The following ZNF606 variants were observed in gnomAD, a reference collection of about 807,000 sequenced individuals.
The protein encoded by ZNF606 is zinc finger protein 328.
ZNF606 carries 37 observed loss-of-function variants against 74.9 expected under a neutral mutation model. The observed-to-expected ratio is 0.49, with a 90% CI of 0.38 to 0.65. ZNF606 has a LOEUF of 0.65. Ranked by LOEUF, ZNF606 falls within the 30% of genes least tolerant of loss-of-function variation. ZNF606 has a pLI of 0.00. For synonymous variants in ZNF606, 328 were observed against 312.4 expected (o/e 1.05, Z -0.53); for missense variants, 852 against 952.9 (o/e 0.89, Z 1.39).
chr19:58,001,515 AAC>A, intron 1 of ZNF606, 145 bp from the exon 2 acceptor site: 5 of 646,100 alleles, frequency 7.7e-6, no homozygotes, highest in Non-Finnish European at 1.4e-5. Context: ...TCAAAAAAGT[AAC>A]ACAATTCCTG....
At chr19:58,002,969 C>T (rs530669542), upstream of ZNF606, 4 of 455,912 alleles carry the variant, frequency 8.8e-6, no homozygotes, top group Admixed American at 9.4e-5. Flanking sequence ...GCGTCGAAGC[C>T]GGCGGCAGGA....
At chr19:57,986,858 A>C (rs536800080) in intron 6 of ZNF606, among the ~76,000 whole-genome samples, 115 of 152,260 alleles carry the variant, frequency 7.6e-4, no homozygotes, top group African/African-American at 2.8e-3. Context: ...CCAAGGCAGG[A>C]GGATTGCTTG....
intron 6 of ZNF606, among the ~76,000 whole-genome samples, chr19:57,983,833 TA>T (rs148292562): frequency 0.22 from 34,098 of 152,080 alleles, 3,919 homozygotes; most frequent in Non-Finnish European, 0.24. Flanking sequence ...ACCTGCTGAA[TA>T]AAACTCCAGG....
chr19:57,978,940 G>A lies in ZNF606; in HGVS notation c.1740C>T (p.Ser580=), dbSNP rs2073032371. 2.5e-6 allele frequency: 4 copies of A among 1,614,034 alleles called. No homozygotes were observed. The Admixed American group carries it at 5.0e-5, about 20-fold the overall frequency. The change falls in exon 7 of 7, where the codon AGC becomes AGT. Residue 580 remains serine, a synonymous_variant. Coordinates refer to ENST00000551380, the MANE Select transcript of ZNF606 (RefSeq NM_001348022.3). The surrounding 1 kb of genome is among the most constrained non-coding windows in gnomAD (Gnocchi z 4.4). The part of the protein sequence containing the change: ...CTECGKSFSW[S]SHLIAHQRTH... ...TTCTCTGATGGGCAATAAGATGGGA[G>A]CTCCAGCTGAAGGATTTTCCACATT... is the stretch of plus-strand genomic sequence containing the variant.
chr19:57,992,369 A>G (rs2073273851), intron 4 of ZNF606, among the ~76,000 whole-genome samples: 2 of 152,232 alleles, frequency 1.3e-5, no homozygotes, highest in South Asian at 2.1e-4. Context: ...CCTATGAAGT[A>G]TTCTTATCAA....
rs1037917698 is a variant in ZNF606 at position 58,002,731 on chromosome 19, C to CT, written c.-388_-387insA. On this transcript the variant is annotated 5_prime_UTR_variant, in exon 1 of 7. Coordinates refer to ENST00000551380, the MANE Select transcript of ZNF606 (RefSeq NM_001348022.3). ...CTCTCCCAGCCGGCTCTCCTGACCCCCCAAGCCCCGCAGCTACGGCGGCCC... is the reference window on the plus strand; with the variant it reads ...CTCTCCCAGCCGGCTCTCCTGACCCCTCCAAGCCCCGCAGCTACGGCGGCCC... The CT allele has an allele frequency of 1.5e-4, 69 of 454,230 alleles. No individual in the cohort carries two copies. Among genetic ancestry groups the CT allele is most frequent in the African/African-American group, 1.3e-3 (64 of 49,736 alleles). The allele number at this position is 454,230 out of a possible 1,614,324, so 28.1% of individuals were successfully genotyped here.
upstream of ZNF606, chr19:58,002,895 T>C (rs773865051): frequency 2.5e-5 from 11 of 439,722 alleles, 1 homozygote; most frequent in Non-Finnish European, 5.0e-5. Flanking sequence ...GGCGCCGCCA[T>C]GACAGGTTCC....
intron 6 of ZNF606, among the ~76,000 whole-genome samples, chr19:57,984,678 T>G (rs947313845): frequency 6.6e-6 from 1 of 152,210 alleles, no homozygotes; most frequent in Non-Finnish European, 1.5e-5. Flanking sequence ...TAAAAGTGAT[T>G]ACCTGAGGCA....
intron 4 of ZNF606, chr19:57,998,105 A>G (rs994612936): frequency 3.3e-5 from 5 of 152,210 alleles, no homozygotes; most frequent in Admixed American, 6.5e-5. Flanking sequence ...AGTATCTCAC[A>G]TCTGCTTGAT....
intron 4 of ZNF606, among the ~76,000 whole-genome samples, chr19:57,994,300 T>A (rs917935932): frequency 1.3e-5 from 2 of 148,426 alleles, no homozygotes; most frequent in African/African-American, 2.5e-5. Context: ...TATAGAGAGA[T>A]CAGAGACACG....
At position 57,988,309 on chromosome 19, in the gene ZNF606, A is replaced by G; in HGVS notation, c.305-7T>C. 1.9e-6 allele frequency: 3 copies of G among 1,611,368 alleles called. No homozygotes were observed. Among genetic ancestry groups the G allele is most frequent in the East Asian group, 2.2e-5 (1 of 44,858 alleles). Reference sequence around the variant, plus strand: ...GGCTTGGCAATCTGATTTCCTATGCATGGAGGAAAAGCATGGAAATCATGT... The same window carrying G: ...GGCTTGGCAATCTGATTTCCTATGCGTGGAGGAAAAGCATGGAAATCATGT... On this transcript the variant is annotated splice_region_variant and splice_polypyrimidine_tract_variant and intron_variant, in intron 5 of 6. Coordinates refer to ENST00000551380, the MANE Select transcript of ZNF606 (RefSeq NM_001348022.3).
chr19:58,001,876 G>A (rs528022023), intron 1 of ZNF606, among the ~76,000 whole-genome samples: 3 of 152,316 alleles, frequency 2.0e-5, no homozygotes, highest in African/African-American at 7.2e-5. Flanking sequence ...TGAACATTAT[G>A]TTATGCAAAT....
chr19:57,999,154 A>AC (rs1462438738), intron 4 of ZNF606: 1 of 152,384 alleles, frequency 6.6e-6, no homozygotes, highest in Non-Finnish European at 1.5e-5. Context: ...AGGAGGCCAG[A>AC]CCCCCACTCA....
At chr19:57,996,398 G>A (rs965373306) in intron 4 of ZNF606, among the ~76,000 whole-genome samples, 1 of 152,216 alleles carries the variant, frequency 6.6e-6, no homozygotes, top group Non-Finnish European at 1.5e-5. Flanking sequence ...CTACTCGGGA[G>A]GTTGAGGCAT....
chr19:57,984,627 G>C (rs1409143000), intron 6 of ZNF606, among the ~76,000 whole-genome samples: 2 of 152,188 alleles, frequency 1.3e-5, no homozygotes, highest in East Asian at 1.9e-4. Flanking sequence ...CATGCTTGTA[G>C]CTGCATAAAG....
At chr19:58,000,440 T>C (rs2073404172) in intron 3 of ZNF606, 2 of 603,580 alleles carry the variant, frequency 3.3e-6, no homozygotes, top group South Asian at 2.0e-5. Context: ...TTAGCCAGGA[T>C]GGTCTCGATC....
chr19:57,981,185 T>C (rs909408553), intron 6 of ZNF606, among the ~76,000 whole-genome samples: 5 of 152,184 alleles, frequency 3.3e-5, no homozygotes, highest in African/African-American at 1.2e-4. Context: ...GCAAGTTTCC[T>C]AGTAGAAATT....
rs1333328056 is a variant in ZNF606, at chr19:57,999,828, G to A, written c.157C>T (p.Leu53Phe). Residue 53 changes from leucine (L) to phenylalanine (F), a missense_variant, in exon 4 of 7, where the codon CTC becomes TTC. This residue lies in a region of ZNF606 where 545 missense variants were observed against 542.5 expected (regional missense o/e 1.00). Transcript: ENST00000551380. ...CTCACCTGAACCTGGGCTGCTGGGA[G>A]CCCAGTGGCCCTCCTCCCCTCCTCC... The part of the protein sequence containing the change: ...SLEEGRRATG[L>F]PAAQVQEPVT... The A allele has an allele frequency of 5.6e-6, 9 of 1,614,018 alleles. No individual in the cohort carries two copies. Among genetic ancestry groups the A allele is most frequent in the Non-Finnish European group, 7.6e-6 (9 of 1,180,012 alleles).
rs375507196 is a variant in ZNF606 at position 57,980,286 on chromosome 19, C to T, written c.401-7G>A. The T allele has an allele frequency of 2.9e-4, 453 of 1,587,990 alleles. No homozygotes were observed. Among genetic ancestry groups the T allele is most frequent in the Non-Finnish European group, 3.7e-4 (431 of 1,169,464 alleles). On this transcript the variant is annotated splice_polypyrimidine_tract_variant and splice_region_variant and intron_variant, in intron 6 of 6. Coordinates refer to ENST00000551380, the MANE Select transcript of ZNF606 (RefSeq NM_001348022.3). ...TCAAGATTTCTCACCCATTCTGAAACAGACAGAAAAAAAGCTATGAGAGCA... is the reference window on the plus strand; with the variant it reads ...TCAAGATTTCTCACCCATTCTGAAATAGACAGAAAAAAAGCTATGAGAGCA...
Sources: gnomAD v4.1 joint callset for allele counts (sites outside exome capture counted in the v4.1 genomes callset) on GRCh38, gnomAD v4.1.1 for gene constraint, gnomAD v4.1.1 regional missense constraint, Gnocchi (gnomAD v3.1) non-coding constraint, MANE v1.5 for transcripts, NCBI Gene and HGNC (gene_info 2026-07-23, HGNC 2026-07-21) for gene names.